Variants in SYN3 observed in about 807,000 individuals in gnomAD.
SYN3 encodes synapsin III.
A neutral mutation model predicts 65.8 loss-of-function variants in SYN3; 35 were observed. That is an observed-to-expected ratio of 0.53 (90% CI 0.41 to 0.70). The LOEUF is 0.70. Ranked by LOEUF, SYN3 falls within the 30% of genes least tolerant of loss-of-function variation. The pLI, the probability that SYN3 is intolerant of heterozygous loss-of-function variation, is 0.00. For missense variants in SYN3, 680 were observed against 749.0 expected (o/e 0.91, Z 1.08); for synonymous variants, 270 against 292.9 (o/e 0.92, Z 0.80).
intron 4 of SYN3, among the ~76,000 whole-genome samples, chr22:32,920,148 A>T (rs575067901): frequency 2.0e-5 from 3 of 152,294 alleles, no homozygotes; most frequent in Non-Finnish European, 4.4e-5. Context: ...GCACATTATC[A>T]GCCGCTGCGG....
intron 1 of SYN3, among the ~76,000 whole-genome samples, chr22:33,009,751 AACACACACAC>A (rs58156623): frequency 0.028 from 3,943 of 141,218 alleles, 95 homozygotes; most frequent in Admixed American, 0.082. Context: ...TACGTATCTA[AACACACACAC>A]ACACACACAC....
chr22:33,040,465 T>C (rs933194940), intron 1 of SYN3, among the ~76,000 whole-genome samples: 3 of 152,178 alleles, frequency 2.0e-5, no homozygotes, highest in African/African-American at 7.2e-5. Flanking sequence ...ATCCAATTAG[T>C]TCTCCTTCAA....
At chr22:32,739,698 T>A (rs1176780335) in intron 6 of SYN3, among the ~76,000 whole-genome samples, 1 of 152,180 alleles carries the variant, frequency 6.6e-6, no homozygotes, top group Non-Finnish European at 1.5e-5. Context: ...AAGGATAACA[T>A]CAGGCACAGC....
intron 6 of SYN3, among the ~76,000 whole-genome samples, chr22:32,782,576 G>GGCAT (rs2046097629): frequency 1.4e-5 from 2 of 146,458 alleles, no homozygotes; most frequent in Non-Finnish European, 3.0e-5. Flanking sequence ...GGAGTGCAAT[G>GGCAT]GCATGATCTC....
At chr22:33,010,719 T>C (rs1319275336) in intron 1 of SYN3, among the ~76,000 whole-genome samples, 1 of 152,216 alleles carries the variant, frequency 6.6e-6, no homozygotes, top group Non-Finnish European at 1.5e-5. Context: ...CGAGATTGCA[T>C]AGACTGAGTA....
chr22:32,708,757 C>T (rs1052998873), intron 6 of SYN3, among the ~76,000 whole-genome samples: 1 of 152,236 alleles, frequency 6.6e-6, no homozygotes, highest in Non-Finnish European at 1.5e-5. Flanking sequence ...CAGGCCTCGA[C>T]ACAGCCAGAG....
In SYN3 at chr22:32,560,229, G is replaced by A. The variant is rs185053535; in HGVS notation, c.775-18516C>T. Among the ~76,000 whole-genome samples the A allele has an allele frequency of 8.3e-4, 127 of 152,320 alleles. 3 individuals carry two copies. Among genetic ancestry groups the A allele is most frequent in the South Asian group, 6.8e-3 (33 of 4,826 alleles). ...CCCTCTTCCAAGTGTACTTTACTTC[G>A]TTTCATTCCTGCTCTAAAGCTTTTA... On this transcript the variant is annotated intron_variant, in intron 7 of 13. Transcript: ENST00000358763.
At chr22:32,824,612 T>A (rs1303238590) in intron 6 of SYN3, among the ~76,000 whole-genome samples, 7 of 152,188 alleles carry the variant, frequency 4.6e-5, no homozygotes, top group African/African-American at 1.7e-4. Flanking sequence ...CTCAGGCTGG[T>A]TAGAGGCATG....
chr22:32,871,609 T>C (rs1028391567), intron 4 of SYN3, among the ~76,000 whole-genome samples: 2 of 151,972 alleles, frequency 1.3e-5, no homozygotes, highest in Non-Finnish European at 2.9e-5. Context: ...TTTATTTTTT[T>C]AAATTATTAT....
intron 6 of SYN3, among the ~76,000 whole-genome samples, chr22:32,758,785 T>C (rs2045370877): frequency 1.3e-5 from 2 of 148,238 alleles, no homozygotes; most frequent in African/African-American, 5.0e-5. Context: ...TGGAATTAGG[T>C]TCTAGGCTCA....
In SYN3 at chr22:32,665,489, G is replaced by GTATATATATATATATATATATATATATA. The variant is rs130731; in HGVS notation, c.712-68754_712-68753insTATATATATATATATATATATATATATA. On this transcript the variant is annotated intron_variant, in intron 6 of 13. Transcript: ENST00000358763. ...GGCTGAGTAGTATGCCACAGTGTGTGTATATATATATATATATATATGTCT... is the reference window on the plus strand; with the variant it reads ...GGCTGAGTAGTATGCCACAGTGTGTGTATATATATATATATATATATATATATATATATATATATATATATATATGTCT... 2.8e-5 allele frequency among the ~76,000 whole-genome samples: 4 copies of GTATATATATATATATATATATATATATA among 141,414 alleles called. No homozygotes were observed. In the East Asian group the frequency reaches 8.1e-4, roughly 29 times the overall value. 92.8% of individuals were successfully genotyped at this position (141,414 alleles called of 152,430 possible).
chr22:32,786,866 C>A (rs2046206695), intron 6 of SYN3, among the ~76,000 whole-genome samples: 1 of 151,886 alleles, frequency 6.6e-6, no homozygotes, highest in Admixed American at 6.6e-5. Flanking sequence ...GGGCACAGGT[C>A]CTGCTTGGCT....
intron 6 of SYN3, among the ~76,000 whole-genome samples, chr22:32,748,278 G>A (rs2044998192): frequency 6.6e-6 from 1 of 152,184 alleles, no homozygotes; most frequent in African/African-American, 2.4e-5. Context: ...AGAGAGGGTG[G>A]CCCAGGAGAA....
At chr22:32,878,123 C>T (rs567397723) in intron 4 of SYN3, among the ~76,000 whole-genome samples, 4 of 152,126 alleles carry the variant, frequency 2.6e-5, no homozygotes, top group African/African-American at 7.2e-5. Context: ...GCACAATCAC[C>T]GTGCAACCAG....
intron 6 of SYN3, among the ~76,000 whole-genome samples, chr22:32,766,452 T>C (rs980193814): frequency 1.3e-5 from 2 of 152,220 alleles, no homozygotes; most frequent in Non-Finnish European, 2.9e-5. Context: ...GCTGTTGCCA[T>C]CTTTTATAGA....
At chr22:32,939,080 G>A (rs1269854355) in intron 3 of SYN3, among the ~76,000 whole-genome samples, 1 of 152,178 alleles carries the variant, frequency 6.6e-6, no homozygotes, top group Non-Finnish European at 1.5e-5. Context: ...AAAATGAAGA[G>A]TTCTAGATAT....
chr22:32,886,164 C>G (rs568169568), intron 4 of SYN3, among the ~76,000 whole-genome samples: 4 of 152,170 alleles, frequency 2.6e-5, no homozygotes, highest in Non-Finnish European at 4.4e-5. Context: ...TACAATGACA[C>G]ACATGGGTAA....
chr22:32,783,701 TCA>T (rs1249408638), intron 6 of SYN3, among the ~76,000 whole-genome samples: 1 of 152,212 alleles, frequency 6.6e-6, no homozygotes, highest in African/African-American at 2.4e-5. Flanking sequence ...TCACCAGAAC[TCA>T]CAGTTTTACT....
At chr22:32,563,756 G>A (rs1331845672) in intron 7 of SYN3, among the ~76,000 whole-genome samples, 1 of 152,072 alleles carries the variant, frequency 6.6e-6, no homozygotes, top group Non-Finnish European at 1.5e-5. Flanking sequence ...TGCAACCTCC[G>A]CCTCCCAGGT....
Sources: allele counts gnomAD v4.1 joint callset (sites outside exome capture counted in the v4.1 genomes callset), GRCh38; gene constraint gnomAD v4.1.1; transcripts MANE v1.5; gene names NCBI Gene and HGNC (gene_info 2026-07-23, HGNC 2026-07-21).